RRP1B: variants seen among roughly 807,000 people sequenced by gnomAD.
The protein encoded by RRP1B is ribosomal RNA processing 1B.
Under a neutral mutation model 80.2 loss-of-function variants are expected in RRP1B, and 56 were observed. The observed-to-expected ratio is 0.70, with a 90% CI of 0.56 to 0.87. RRP1B has a LOEUF of 0.87. Ranked by LOEUF, RRP1B falls within the 40% of genes least tolerant of loss-of-function variation. The pLI, the probability that RRP1B is intolerant of heterozygous loss-of-function variation, is 0.00. For synonymous variants in RRP1B, 351 were observed against 357.6 expected (o/e 0.98, Z 0.21); for missense variants, 807 against 939.8 (o/e 0.86, Z 1.85).
chr21:43,659,808 C>A lies in RRP1B; in HGVS notation c.130+14C>A. ...AGAGGGAGACAGGTGGGCGCACGGC[C>A]GCGGTCAGCCGCGCCACATGGCGGG... On this transcript the variant is annotated intron_variant, in intron 1 of 15. Transcript: ENST00000340648. The surrounding 1 kb of genome is among the most constrained non-coding windows in gnomAD (Gnocchi z 4.2). 1 of 1,490,220 alleles carries A rather than the reference C, an allele frequency of 6.7e-7. No homozygotes were observed. The highest frequency in any genetic ancestry group is 9.0e-7 in the Non-Finnish European group (1 of 1,113,820). The allele number at this position is 1,490,220 out of a possible 1,614,324, so 92.3% of individuals were successfully genotyped here.
chr21:43,679,794 G>A (rs1470147372), intron 8 of RRP1B, among the ~76,000 whole-genome samples: 2 of 152,102 alleles, frequency 1.3e-5, no homozygotes, highest in African/African-American at 2.4e-5. Context: ...ATTTCCATTT[G>A]TTTGTGTCAT....
Position 43,693,527 on chromosome 21 carries a change from T to A in RRP1B, c.*144T>A, listed in dbSNP as rs567342586. On this transcript the variant is annotated 3_prime_UTR_variant, in exon 16 of 16. Transcript: ENST00000340648. This position sits in a 1 kb window ranked among gnomAD's most constrained non-coding sequence, Gnocchi z 4.1. ...GGTTCTGAGAGTGCCCGCAGGCTGC[T>A]GCGTCCTGGCCCCTCTGTAGTGGCT... 52 of 766,238 alleles carry A rather than the reference T, an allele frequency of 6.8e-5. 1 individual carries two copies. The highest frequency in any genetic ancestry group is 5.2e-4 in the Admixed American group (15 of 28,696). 47.5% of individuals were successfully genotyped at this position (766,238 alleles called of 1,614,324 possible).
chr21:43,671,542 A>AT (rs1348708275), intron 2 of RRP1B, among the ~76,000 whole-genome samples: 4 of 151,012 alleles, frequency 2.6e-5, no homozygotes, highest in African/African-American at 7.3e-5. Flanking sequence ...TAATTTTTGT[A>AT]TTTTTTGTAG....
At chr21:43,674,584 T>TA in intron 4 of RRP1B, 52 bp from the exon 5 acceptor site, 1 of 1,025,680 alleles carries the variant, frequency 9.7e-7, no homozygotes, top group Non-Finnish European at 1.4e-6. Flanking sequence ...TTCTTACCTT[T>TA]CCTTTTTTTT....
intron 1 of RRP1B, among the ~76,000 whole-genome samples, chr21:43,665,565 G>C (rs1448130063): frequency 6.6e-6 from 1 of 152,068 alleles, no homozygotes; most frequent in African/African-American, 2.4e-5. Context: ...TTTATTTTTT[G>C]AGATGGAGTC....
intron 4 of RRP1B, among the ~76,000 whole-genome samples, chr21:43,674,302 G>A (rs948212739): frequency 4.6e-5 from 7 of 152,074 alleles, no homozygotes; most frequent in African/African-American, 1.4e-4. Context: ...GATTACAGAC[G>A]CGCACCACCA....
rs2147153961 is a variant in RRP1B at position 43,659,613 on chromosome 21, T to A, written c.-52T>A. 1 of 1,388,102 alleles carries A rather than the reference T, an allele frequency of 7.2e-7. No homozygotes were observed. The highest frequency in any genetic ancestry group is 2.5e-4 in the Middle Eastern group (1 of 3,958). The allele number at this position is 1,388,102 out of a possible 1,614,324, so 86.0% of individuals were successfully genotyped here. A position where few individuals can be genotyped will look rare whatever the true frequency, so the allele number is the denominator to read the frequency against. ...GGCTGGCTGCTCCGCAGCGCTCGGC[T>A]GGCTGCAGCGGCACCGCGGGTTGCG... On this transcript the variant is annotated 5_prime_UTR_variant, in exon 1 of 16. Transcript: ENST00000340648. This position sits in a 1 kb window ranked among gnomAD's most constrained non-coding sequence, Gnocchi z 4.2.
At chr21:43,668,082 G>A (rs979696878) in intron 1 of RRP1B, among the ~76,000 whole-genome samples, 17 of 151,786 alleles carry the variant, frequency 1.1e-4, no homozygotes, top group Non-Finnish European at 2.2e-4. Context: ...GGTGGCACGC[G>A]CCTATAATCC....
At chr21:43,663,076 A>G (rs997018225) in intron 1 of RRP1B, among the ~76,000 whole-genome samples, 1 of 152,212 alleles carries the variant, frequency 6.6e-6, no homozygotes, top group Non-Finnish European at 1.5e-5. Flanking sequence ...TCTCTATCCA[A>G]GAGTTATAAT....
At chr21:43,690,194 C>T in intron 13 of RRP1B, 94 bp from the exon 14 acceptor site, 1 of 1,460,894 alleles carries the variant, frequency 6.8e-7, no homozygotes, top group Middle Eastern at 2.4e-4. Flanking sequence ...GCTGGATCTG[C>T]CTGGGGCTCT....
intron 15 of RRP1B, among the ~76,000 whole-genome samples, chr21:43,692,602 CAAAAAAA>C: frequency 9.9e-6 from 1 of 100,802 alleles, no homozygotes; most frequent in South Asian, 3.0e-4. Context: ...GACTCCATCT[CAAAAAAA>C]AAAAAAAAGT....
chr21:43,690,299 G>A lies in RRP1B; in HGVS notation c.1878G>A (p.Gly626=), dbSNP rs779202514. The A allele has an allele frequency of 8.1e-6, 13 of 1,614,082 alleles. No individual in the cohort carries two copies. In the South Asian group the frequency reaches 1.4e-4, roughly 18 times the overall value. ...AGQPQALGSS[G]TCSSLKKQKL... is the part of the protein sequence containing the mutation. ...CCTCGCTCACGTAGGGAAGCAGTGG[G>A]ACTTGCAGTTCCCTGAAGAAGCAGA... The change falls in exon 14 of 16, where the codon GGG becomes GGA. Residue 626 remains glycine (G), a synonymous_variant. Coordinates refer to ENST00000340648, the MANE Select transcript of RRP1B (RefSeq NM_015056.3).
Position 43,691,658 on chromosome 21 carries a change from CAG to C in RRP1B, c.2083+159_2083+160del, listed in dbSNP as rs2083087304. ...TTTTATTTTTTTTTTTTTTTTGAGA[CAG>C]AGTCTCGCTGCTCTGTCACCCAGGC... On this transcript the variant is annotated intron_variant, in intron 15 of 15. Coordinates refer to ENST00000340648, the MANE Select transcript of RRP1B (RefSeq NM_015056.3). This position sits in a 1 kb window ranked among gnomAD's most constrained non-coding sequence, Gnocchi z 4.2. Among the ~76,000 whole-genome samples the C allele has an allele frequency of 7.0e-6, 1 of 142,792 alleles. No homozygotes were observed. Among genetic ancestry groups the C allele is most frequent in the African/African-American group, 2.6e-5 (1 of 38,068 alleles). The allele number at this position is 142,792 out of a possible 152,430, so 93.7% of individuals were successfully genotyped here.
Position 43,663,505 on chromosome 21 carries a change from T to G in RRP1B, c.130+3711T>G, listed in dbSNP as rs2082966406. 2.6e-5 allele frequency among the ~76,000 whole-genome samples: 4 copies of G among 151,656 alleles called. No individual in the cohort carries two copies. The South Asian group carries it at 8.3e-4, about 32-fold the overall frequency. On this transcript the variant is annotated intron_variant, in intron 1 of 15. Coordinates refer to ENST00000340648, the MANE Select transcript of RRP1B (RefSeq NM_015056.3). ...CTCCTGACCTCATGATCCGCCCGCC[T>G]AGGCCTCTCAAAGTGCTGGGATTAC...
intron 9 of RRP1B, 122 bp from the exon 10 acceptor site, chr21:43,684,431 T>A: frequency 2.5e-6 from 2 of 807,802 alleles, no homozygotes; most frequent in Non-Finnish European, 4.2e-6. Flanking sequence ...CAGCACAAGC[T>A]TGTTTAGCCT....
intron 9 of RRP1B, among the ~76,000 whole-genome samples, chr21:43,684,079 T>TG (rs1430246566): frequency 3.3e-5 from 5 of 150,692 alleles, no homozygotes; most frequent in African/African-American, 1.2e-4. Flanking sequence ...AGAATAATTT[T>TG]TTTTTTTTTT....
Position 43,693,804 on chromosome 21 carries a change from A to T in RRP1B, c.*421A>T, listed in dbSNP as rs186493369. On this transcript the variant is annotated 3_prime_UTR_variant, in exon 16 of 16. Coordinates refer to ENST00000340648, the MANE Select transcript of RRP1B (RefSeq NM_015056.3). The surrounding 1 kb of genome is among the most constrained non-coding windows in gnomAD (Gnocchi z 4.1). The stretch of plus-strand genomic sequence containing the variant: ...ACTCATTACCGTATTCGCCGTACTA[A>T]GTTGGTTTCTGTTAGTCTTAACAGT... The T allele has an allele frequency of 6.2e-6, 1 of 160,042 alleles. No individual in the cohort carries two copies. Among genetic ancestry groups the T allele is most frequent in the African/African-American group, 2.4e-5 (1 of 41,738 alleles). 9.9% of individuals were successfully genotyped at this position (160,042 alleles called of 1,614,324 possible).
rs183699938 is a variant in RRP1B at position 43,688,153 on chromosome 21, G to A, written c.1779G>A (p.Leu593=). The A allele has an allele frequency of 1.9e-4, 299 of 1,579,192 alleles. 1 individual carries two copies. The East Asian group carries it at 4.4e-3, about 23-fold the overall frequency. The change falls in exon 13 of 16, where the codon TTG becomes TTA. Residue 593 remains leucine (L), a synonymous_variant. Transcript: ENST00000340648. ...CGLPSQKTAS[L]KKRKKMRVMS... Reference sequence around the variant, plus strand: ...TGCCCAGCCAGAAAACAGCAAGTTTGAAAAAGAGGAAGAAAATGAGAGTGA... The same window carrying A: ...TGCCCAGCCAGAAAACAGCAAGTTTAAAAAAGAGGAAGAAAATGAGAGTGA...
chr21:43,687,586 G>A lies in RRP1B; in HGVS notation c.1212G>A (p.Lys404=), dbSNP rs201212872. 15 of 1,511,142 alleles carry A rather than the reference G, an allele frequency of 9.9e-6. No homozygotes were observed. The African/African-American group carries it at 1.7e-4, about 17-fold the overall frequency. 93.6% of individuals were successfully genotyped at this position (1,511,142 alleles called of 1,614,324 possible). Residue 404 remains lysine (K), a synonymous_variant, in exon 13 of 16, where the codon AAG becomes AAA. Transcript: ENST00000340648. ...SSLQKRRRKK[K]KKHHLQPENP... Reference sequence around the variant, plus strand: ...TTCAAAAGAGAAGAAGGAAGAAGAAGAAGAAGCACCACCTGCAGCCTGAAA... The same window carrying A: ...TTCAAAAGAGAAGAAGGAAGAAGAAAAAGAAGCACCACCTGCAGCCTGAAA...
Sources: gnomAD v4.1 joint callset for allele counts (sites outside exome capture counted in the v4.1 genomes callset) on GRCh38, gnomAD v4.1.1 for gene constraint, Gnocchi (gnomAD v3.1) non-coding constraint, MANE v1.5 for transcripts, NCBI Gene and HGNC (gene_info 2026-07-23, HGNC 2026-07-21) for gene names.